WDR49: variants seen among roughly 807,000 people sequenced by gnomAD.
WDR49 encodes the protein cilia- and flagella-associated protein 337.
In WDR49, 107 loss-of-function variants were observed where a neutral mutation model predicts 119.5. The ratio of observed to expected loss-of-function variants is 0.90; its 90% CI spans 0.77 to 1.05. WDR49 has a LOEUF of 1.05. WDR49 is among the 50% of genes least tolerant of loss of function. WDR49 has a pLI of 0.00. For synonymous variants in WDR49, 425 were observed against 418.8 expected, an observed-to-expected ratio of 1.01 and a Z score of -0.18; for missense variants, 1,240 against 1,220.5, an observed-to-expected ratio of 1.02 and a Z score of -0.24.
chr3:167,546,792 C>G (rs893730002), intron 10 of WDR49, among the ~76,000 whole-genome samples: 1 of 151,460 alleles, frequency 6.6e-6, no homozygotes, highest in Non-Finnish European at 1.5e-5. Context: ...TAAAAATTGT[C>G]ATGGAGAGAA....
chr3:167,520,409 C>A (rs557782941), intron 16 of WDR49, among the ~76,000 whole-genome samples: 43 of 152,104 alleles, frequency 2.8e-4, no homozygotes, highest in African/African-American at 9.6e-4. Flanking sequence ...CCTAAGGTAA[C>A]TTTATTTCTT....
In WDR49 at chr3:167,602,213, C is replaced by G; in HGVS notation, c.1189G>C (p.Gly397Arg). The G allele has an allele frequency of 6.2e-7, 1 of 1,605,722 alleles. No individual in the cohort carries two copies. Among genetic ancestry groups the G allele is most frequent in the East Asian group, 2.2e-5 (1 of 44,800 alleles). ...WNPYVVSKPVGVLWGHSASVI... is the reference protein window; with the variant it reads ...WNPYVVSKPVRVLWGHSASVI... ...CTGGCTGAGTGGCCCCAAAGGACAC[C>G]CACTGGTTTAGAGACAACATAGGGA... is the stretch of plus-strand genomic sequence containing the variant. Residue 397 changes from glycine to arginine, a missense_variant, in exon 7 of 19, where the codon GGT becomes CGT. Gly to Arg is a moderately radical substitution (Grantham distance 125). Transcript: ENST00000682715.
intron 17 of WDR49, among the ~76,000 whole-genome samples, chr3:167,501,569 A>G (rs1751569477): frequency 6.6e-6 from 1 of 152,204 alleles, no homozygotes. Context: ...GCAAAATTTC[A>G]TCAGAAATTT....
intron 16 of WDR49, among the ~76,000 whole-genome samples, chr3:167,510,211 C>T (rs768207563): frequency 4.6e-5 from 7 of 152,098 alleles, no homozygotes; most frequent in Admixed American, 1.3e-4. Context: ...GATGAAACCC[C>T]GTCTCTACTA....
intron 10 of WDR49, among the ~76,000 whole-genome samples, chr3:167,539,290 C>G (rs1560275819): frequency 6.6e-6 from 1 of 152,096 alleles, no homozygotes; most frequent in Non-Finnish European, 1.5e-5. Flanking sequence ...ACCTTCTTGT[C>G]CAACCCAAAC....
At chr3:167,600,211 G>T (rs900827017) in intron 7 of WDR49, among the ~76,000 whole-genome samples, 1 of 152,072 alleles carries the variant, frequency 6.6e-6, no homozygotes, top group South Asian at 2.1e-4. Context: ...TGGGGTTGGG[G>T]GAGTCGTGGT....
At chr3:167,577,523 GT>G (rs889845248) in intron 7 of WDR49, among the ~76,000 whole-genome samples, 29 of 149,246 alleles carry the variant, frequency 1.9e-4, no homozygotes, top group South Asian at 4.3e-4. Context: ...CCTCCAATAA[GT>G]TTTTTTTTTA....
chr3:167,518,357 A>C (rs1752299184), intron 16 of WDR49, among the ~76,000 whole-genome samples: 1 of 151,992 alleles, frequency 6.6e-6, no homozygotes, highest in Non-Finnish European at 1.5e-5. Flanking sequence ...CCAACAGTGT[A>C]AAAGTGTTCC....
intron 7 of WDR49, among the ~76,000 whole-genome samples, chr3:167,592,463 T>C (rs140780797): frequency 0.043 from 6,342 of 146,436 alleles, 233 homozygotes; most frequent in South Asian, 0.18. Context: ...TGAGATGGAG[T>C]CTCACTCTGT....
At chr3:167,603,261 A>AT (rs1372058797) in intron 6 of WDR49, among the ~76,000 whole-genome samples, 2 of 151,986 alleles carry the variant, frequency 1.3e-5, no homozygotes, top group Non-Finnish European at 2.9e-5. Context: ...AATCATCCTT[A>AT]TTTTTTCCAG....
intron 7 of WDR49, among the ~76,000 whole-genome samples, chr3:167,582,159 G>A (rs1314389184): frequency 5.3e-5 from 8 of 151,694 alleles, no homozygotes; most frequent in Admixed American, 5.3e-4. Context: ...GCAGATAATA[G>A]GATAACAGGA....
chr3:167,621,835 T>C lies in WDR49; in HGVS notation c.607-192A>G, dbSNP rs550805596. On this transcript the variant is annotated intron_variant, in intron 3 of 18. Transcript: ENST00000682715. ...CTGTGGAATCTAGCCAAGAAGAAACTTTTCCCATTAGAGGCATTTGAACAT... is the reference window on the plus strand; with the variant it reads ...CTGTGGAATCTAGCCAAGAAGAAACCTTTCCCATTAGAGGCATTTGAACAT... Among the ~76,000 whole-genome samples, 7 of 152,202 alleles carry C rather than the reference T, an allele frequency of 4.6e-5. 1 individual carries two copies. The South Asian group carries it at 1.5e-3, about 32-fold the overall frequency.
chr3:167,614,418 C>G (rs1409672424), intron 5 of WDR49, among the ~76,000 whole-genome samples: 4 of 152,140 alleles, frequency 2.6e-5, no homozygotes, highest in Non-Finnish European at 1.5e-5. Context: ...TCTGCATTCC[C>G]AGACTACAGT....
intron 8 of WDR49, among the ~76,000 whole-genome samples, chr3:167,561,858 C>T (rs1393621350): frequency 6.6e-6 from 1 of 152,094 alleles, no homozygotes; most frequent in African/African-American, 2.4e-5. Context: ...TAGACAGCCA[C>T]ATCATAAGGT....
Position 167,500,283 on chromosome 3 carries a change from T to C in WDR49, c.2901A>G (p.Leu967=), listed in dbSNP as rs763085200. 4 of 1,604,768 alleles carry C rather than the reference T, an allele frequency of 2.5e-6. No individual in the cohort carries two copies. The highest frequency in any genetic ancestry group is 3.4e-6 in the Non-Finnish European group (4 of 1,176,938). Residue 967 remains leucine, a synonymous_variant, in exon 18 of 19, where the codon TTA becomes TTG. Coordinates refer to ENST00000682715, the MANE Select transcript of WDR49 (RefSeq NM_001366157.1). ...IKKSFSTFRS[L]NIGALEELPE... The stretch of plus-strand genomic sequence containing the variant: ...GCAGCTCTTCCAGGGCTCCAATGTT[T>C]AATGACCTAAATGTACCTTCACAAC...
rs1752485983 is a variant in WDR49 at position 167,522,438 on chromosome 3, T to C, written c.2651A>G (p.Asp884Gly). The stretch of plus-strand genomic sequence containing the variant: ...AATCTCACTTTCCACTAAATTAGTA[T>C]CTCTTTTAGGAAGGAAAAGGCAGTT... ...IENCLFLPKRDTNLVESEIQK... is the reference protein window; with the variant it reads ...IENCLFLPKRGTNLVESEIQK... Residue 884 changes from aspartate (D) to glycine (G), a missense_variant, in exon 16 of 19, where the codon GAT (aspartate) becomes GGT (glycine). Coordinates refer to ENST00000682715, the MANE Select transcript of WDR49 (RefSeq NM_001366157.1). 10 of 1,610,024 alleles carry C rather than the reference T, an allele frequency of 6.2e-6. No individual in the cohort carries two copies. Among genetic ancestry groups the C allele is most frequent in the Non-Finnish European group, 8.5e-6 (10 of 1,178,954 alleles).
At chr3:167,590,044 T>C (rs1715025625) in intron 7 of WDR49, among the ~76,000 whole-genome samples, 1 of 152,110 alleles carries the variant, frequency 6.6e-6, no homozygotes, top group East Asian at 1.9e-4. Context: ...GTCTTTTATA[T>C]ATGGCTTTTA....
At chr3:167,653,194 T>C (rs967204264) in intron 2 of WDR49, 67 bp downstream of exon 2, 33 of 1,487,692 alleles carry the variant, frequency 2.2e-5, no homozygotes, top group African/African-American at 4.2e-5. Flanking sequence ...GAAAAATATC[T>C]CTGTGTTTCA....
intron 17 of WDR49, among the ~76,000 whole-genome samples, 165 bp downstream of exon 17, chr3:167,505,142 T>C (rs905013997): frequency 6.6e-6 from 1 of 152,228 alleles, no homozygotes; most frequent in Non-Finnish European, 1.5e-5. Context: ...GGTGACTTAA[T>C]GTCCTGTACC....
Sources: gnomAD v4.1 joint callset for allele counts (sites outside exome capture counted in the v4.1 genomes callset) on GRCh38, gnomAD v4.1.1 for gene constraint, MANE v1.5 for transcripts, NCBI Gene and HGNC (gene_info 2026-07-23, HGNC 2026-07-21) for gene names.